The following COL18A1 variants were observed in gnomAD, a reference collection of about 807,000 sequenced individuals.
COL18A1 encodes the protein collagen alpha-1(XVIII) chain.
Under a neutral mutation model 168.0 loss-of-function variants are expected in COL18A1, and 133 were observed. The ratio of observed to expected loss-of-function variants is 0.79; its 90% CI spans 0.69 to 0.91. COL18A1 has a LOEUF of 0.91. Among genes scored for constraint, COL18A1 ranks in the 40% least tolerant of loss-of-function variants. The pLI is 0.00. For synonymous variants in COL18A1, 949 were observed against 809.0 expected (o/e 1.17, Z -2.94); for missense variants, 2,126 against 1,925.4 (o/e 1.10, Z -1.95).
rs2035540171 is a variant in COL18A1 at position 45,473,977 on chromosome 21, A to G, written c.734A>G (p.Asp245Gly). 6.3e-7 allele frequency: 1 copy of G among 1,592,410 alleles called. No homozygotes were observed. The highest frequency in any genetic ancestry group is 1.3e-5 in the African/African-American group (1 of 74,368). The change falls in exon 4 of 42, where the codon GAT becomes GGT. Residue 245 changes from aspartate to glycine, a missense_variant. Asp to Gly is a moderately conservative substitution (Grantham distance 94). Transcript: ENST00000651438. This position sits in a 1 kb window ranked among gnomAD's most constrained non-coding sequence, Gnocchi z 4.0. The part of the protein sequence containing the change: ...HCLDEEGDDS[D>G]GASGDSGSGL... The stretch of plus-strand genomic sequence containing the variant: ...CTGGACGAGGAAGGCGATGACTCAG[A>G]TGGGGTGAGTGACATCTGGGGCACG...
chr21:45,510,940 C>A (rs2037543190), intron 40 of COL18A1, among the ~76,000 whole-genome samples, 171 bp from the exon 41 acceptor site: 1 of 29,526 alleles, frequency 3.4e-5, no homozygotes, highest in Admixed American at 2.6e-4. Flanking sequence ...CCCAAAAAAA[C>A]ACACACCCAC....
rs953242928 is a variant in COL18A1 at position 45,457,575 on chromosome 21, A to G, written c.107-10667A>G. Reference sequence around the variant, plus strand: ...GGGCAGGAAGAGGAGGGAAAGGGGGACTCTTTAACCTCCTGGGGGCAGGGG... The same window carrying G: ...GGGCAGGAAGAGGAGGGAAAGGGGGGCTCTTTAACCTCCTGGGGGCAGGGG... On this transcript the variant is annotated intron_variant, in intron 2 of 41. Coordinates refer to ENST00000651438, the MANE Select transcript of COL18A1 (RefSeq NM_001379500.1). This position sits in a 1 kb window ranked among gnomAD's most constrained non-coding sequence, Gnocchi z 4.6. Among the ~76,000 whole-genome samples the G allele has an allele frequency of 2.0e-5, 3 of 150,590 alleles. No homozygotes were observed. The highest frequency in any genetic ancestry group is 3.0e-5 in the Non-Finnish European group (2 of 67,594).
chr21:45,455,594 CG>C, intron 2 of COL18A1: 1 of 1,613,950 alleles, frequency 6.2e-7, no homozygotes, highest in East Asian at 2.2e-5. Flanking sequence ...GGCGGCTGCC[CG>C]GGCCAACCTG....
intron 27 of COL18A1, 142 bp downstream of exon 27, chr21:45,494,713 T>A (rs2036473096): frequency 7.2e-7 from 1 of 1,380,208 alleles, no homozygotes; most frequent in Non-Finnish European, 1.0e-6. Flanking sequence ...GGGGCAGGTG[T>A]CGGCGTGAGG....
intron 2 of COL18A1, among the ~76,000 whole-genome samples, chr21:45,429,222 T>C (rs1409914681): frequency 1.3e-5 from 2 of 152,162 alleles, no homozygotes; most frequent in East Asian, 1.9e-4. Flanking sequence ...TTTCTTTAAC[T>C]GCATCCCTGG....
chr21:45,496,981 C>T (rs1325847865), intron 30 of COL18A1, 69 bp from the exon 31 acceptor site: 4 of 1,058,170 alleles, frequency 3.8e-6, no homozygotes, highest in Non-Finnish European at 2.9e-6. Context: ...GGCTTGGGGA[C>T]CCCTGAGTGG....
Position 45,456,163 on chromosome 21 carries a change from A to G in COL18A1, c.107-12079A>G, listed in dbSNP as rs752503890. The G allele has an allele frequency of 1.9e-6, 3 of 1,588,744 alleles. No homozygotes were observed. Among genetic ancestry groups the G allele is most frequent in the East Asian group, 4.5e-5 (2 of 44,466 alleles). On this transcript the variant is annotated intron_variant, in intron 2 of 41. Transcript: ENST00000651438. ...CACCACTCACGGGGCCCTCAGTGCC[A>G]CCACCATCTTCAGGTAGAGCTTCTC... is the stretch of plus-strand genomic sequence containing the variant.
At chr21:45,466,667 G>A (rs1473709077) in intron 2 of COL18A1, among the ~76,000 whole-genome samples, 1 of 152,190 alleles carries the variant, frequency 6.6e-6, no homozygotes, top group East Asian at 1.9e-4. Context: ...CAGGAGCTTC[G>A]TGGAGAGGAG....
chr21:45,477,893 A>G lies in COL18A1; in HGVS notation c.1149A>G (p.Gln383=). Residue 383 remains glutamine, a synonymous_variant, in exon 8 of 42, where the codon CAA becomes CAG. Coordinates refer to ENST00000651438, the MANE Select transcript of COL18A1 (RefSeq NM_001379500.1). ...SPLGPAGPAL[Q]TVPGPQGPPG... ...TGGGTCCTGCAGGCCCAGCGTTGCAAACTGTCCCCGGACCACAAGGACCCC... is the reference window on the plus strand; with the variant it reads ...TGGGTCCTGCAGGCCCAGCGTTGCAGACTGTCCCCGGACCACAAGGACCCC... 1 of 1,564,110 alleles carries G rather than the reference A, an allele frequency of 6.4e-7. No homozygotes were observed. Among genetic ancestry groups the G allele is most frequent in the Middle Eastern group, 1.7e-4 (1 of 6,010 alleles).
chr21:45,479,820 C>T, intron 9 of COL18A1, 82 bp from the exon 10 acceptor site: 5 of 1,587,246 alleles, frequency 3.2e-6, no homozygotes, highest in Non-Finnish European at 4.3e-6. Context: ...CCGTCCCCTG[C>T]TTGGGGGAGG....
At chr21:45,433,791 C>T (rs527427926) in intron 2 of COL18A1, among the ~76,000 whole-genome samples, 2 of 152,332 alleles carry the variant, frequency 1.3e-5, no homozygotes, top group South Asian at 4.1e-4. Flanking sequence ...TTCTCTGTGC[C>T]TCAGTTTTTC....
At position 45,505,958 on chromosome 21, in the gene COL18A1, A is replaced by G; in HGVS notation, c.3208A>G (p.Lys1070Glu). The G allele has an allele frequency of 6.2e-7, 1 of 1,613,148 alleles. No individual in the cohort carries two copies. The highest frequency in any genetic ancestry group is 8.5e-7 in the Non-Finnish European group (1 of 1,179,942). Residue 1070 changes from lysine (K) to glutamate (E), a missense_variant, in exon 37 of 42, where the codon AAG becomes GAG. Coordinates refer to ENST00000651438, the MANE Select transcript of COL18A1 (RefSeq NM_001379500.1). ...CGTCCGCGTGCAGAACGGGTTCCGG[A>G]AGGTCCAGGTGAGCGCTCTGTGTGA... is the stretch of plus-strand genomic sequence containing the variant. ...LYVRVQNGFR[K>E]VQLEARTPLP...
chr21:45,477,229 C>T (rs2035708283), intron 6 of COL18A1, among the ~76,000 whole-genome samples, 182 bp from the exon 7 acceptor site: 4 of 152,192 alleles, frequency 2.6e-5, no homozygotes. Context: ...TTCTGTCTCC[C>T]TGTTGCCTTT....
intron 24 of COL18A1, among the ~76,000 whole-genome samples, 196 bp downstream of exon 24, chr21:45,492,909 G>A (rs1038815929): frequency 2.0e-5 from 3 of 152,224 alleles, no homozygotes; most frequent in African/African-American, 4.8e-5. Flanking sequence ...GTGGGCACCC[G>A]TGAGGGTGAG....
intron 15 of COL18A1, among the ~76,000 whole-genome samples, chr21:45,486,607 C>G (rs867094193): frequency 5.9e-5 from 9 of 152,192 alleles, no homozygotes; most frequent in African/African-American, 1.9e-4. Flanking sequence ...TGGGCCTCCC[C>G]CTGTGCATGT....
At chr21:45,466,471 G>A (rs191151404) in intron 2 of COL18A1, among the ~76,000 whole-genome samples, 15 of 150,900 alleles carry the variant, frequency 9.9e-5, no homozygotes, top group Admixed American at 5.9e-4. Context: ...TCTCGCACCC[G>A]GGAAGGCTGA....
intron 2 of COL18A1, among the ~76,000 whole-genome samples, chr21:45,426,966 G>A (rs1319306898): frequency 1.3e-5 from 2 of 152,188 alleles, no homozygotes; most frequent in African/African-American, 4.8e-5. Flanking sequence ...CAGGACGCAG[G>A]GGCTTCTCAG....
intron 37 of COL18A1, 111 bp from the exon 38 acceptor site, chr21:45,507,445 CTCCTG>C: frequency 4.2e-6 from 3 of 712,246 alleles, no homozygotes; most frequent in Non-Finnish European, 6.5e-6. Context: ...GGAGGGCACC[CTCCTG>C]TGGGCTGGGA....
At chr21:45,419,579 C>T (rs1278748084) in intron 2 of COL18A1, 1 of 152,186 alleles carries the variant, frequency 6.6e-6, no homozygotes, top group Non-Finnish European at 1.5e-5. Context: ...GTGTTTCCCT[C>T]AGCAGATTTA....
Sources: gnomAD v4.1 joint callset for allele counts (sites outside exome capture counted in the v4.1 genomes callset) on GRCh38, gnomAD v4.1.1 for gene constraint, Gnocchi (gnomAD v3.1) non-coding constraint, MANE v1.5 for transcripts, NCBI Gene and HGNC (gene_info 2026-07-23, HGNC 2026-07-21) for gene names.